The following COL19A1 variants were observed in gnomAD, a reference collection of about 807,000 sequenced individuals.
COL19A1 encodes the protein collagen alpha-1(XIX) chain.
In COL19A1, 159 loss-of-function variants were observed where a neutral mutation model predicts 190.2. That is an observed-to-expected ratio of 0.84 (90% CI 0.73 to 0.95). The LOEUF is 0.95. Ranked by LOEUF, COL19A1 falls within the 40% of genes least tolerant of loss-of-function variation. The probability of loss-of-function intolerance (pLI) is 0.00; values close to 1 mark genes in which losing one functional copy is unlikely to be tolerated. For synonymous variants in COL19A1, 509 were observed against 458.9 expected (o/e 1.11, Z -1.39); for missense variants, 1,418 against 1,431.9 (o/e 0.99, Z 0.16).
chr6:70,180,451 G>T lies in COL19A1; in HGVS notation c.2713-10G>T, dbSNP rs754398407. On this transcript the variant is annotated splice_polypyrimidine_tract_variant and intron_variant, in intron 43 of 50. Coordinates refer to ENST00000620364, the MANE Select transcript of COL19A1 (RefSeq NM_001858.6). Reference sequence around the variant, plus strand: ...TGGCAATTAATTTGTGTCTGTGGATGTGTTTATAGGGTGAGAGAGGACCTG... The same window carrying T: ...TGGCAATTAATTTGTGTCTGTGGATTTGTTTATAGGGTGAGAGAGGACCTG... 1.2e-6 allele frequency: 2 copies of T among 1,614,028 alleles called. No homozygotes were observed. Among genetic ancestry groups the T allele is most frequent in the African/African-American group, 2.7e-5 (2 of 74,918 alleles).
At chr6:70,034,129 A>G in intron 12 of COL19A1, 116 bp from the exon 13 acceptor site, 10 of 755,902 alleles carry the variant, frequency 1.3e-5, no homozygotes, top group Non-Finnish European at 2.1e-5. Context: ...TCTCTATACT[A>G]CAAAAGGAAG....
At chr6:70,151,606 G>A (rs1003299618) in intron 31 of COL19A1, among the ~76,000 whole-genome samples, 168 bp downstream of exon 31, 2 of 152,106 alleles carry the variant, frequency 1.3e-5, no homozygotes, top group African/African-American at 4.8e-5. Context: ...TATATCTTGT[G>A]CCATTTATCC....
At chr6:70,075,292 C>T (rs892060345) in intron 15 of COL19A1, among the ~76,000 whole-genome samples, 8 of 152,190 alleles carry the variant, frequency 5.3e-5, no homozygotes, top group African/African-American at 2.4e-5. Flanking sequence ...ATATGAAACT[C>T]GGTGGATAAA....
intron 44 of COL19A1, among the ~76,000 whole-genome samples, chr6:70,184,316 A>G (rs1466519794): frequency 6.6e-6 from 1 of 152,222 alleles, no homozygotes; most frequent in Non-Finnish European, 1.5e-5. Flanking sequence ...GCCATGAGGC[A>G]CCTTCTTATT....
chr6:69,904,674 C>T (rs1770424854), intron 4 of COL19A1, among the ~76,000 whole-genome samples: 1 of 152,204 alleles, frequency 6.6e-6, no homozygotes, highest in Admixed American at 6.5e-5. Flanking sequence ...GGAGCCCCCT[C>T]CTCCTCAGGA....
chr6:69,918,845 A>G (rs1295886718), intron 4 of COL19A1, among the ~76,000 whole-genome samples: 7 of 152,210 alleles, frequency 4.6e-5, no homozygotes, highest in Non-Finnish European at 1.0e-4. Flanking sequence ...GTGAATAGCC[A>G]TGTCTTTTAT....
chr6:70,136,879 C>T (rs1785905692), intron 18 of COL19A1, among the ~76,000 whole-genome samples: 1 of 151,860 alleles, frequency 6.6e-6, no homozygotes, highest in African/African-American at 2.4e-5. Flanking sequence ...CAAAAATGCT[C>T]TTGAAGTTAG....
chr6:70,186,686 T>G (rs756305380), intron 46 of COL19A1, among the ~76,000 whole-genome samples: 6 of 152,076 alleles, frequency 3.9e-5, no homozygotes, highest in Admixed American at 6.6e-5. Context: ...ATTTGAAAAT[T>G]TATGACTGAA....
At chr6:70,141,106 C>A in intron 20 of COL19A1, 117 bp downstream of exon 20, 1 of 882,534 alleles carries the variant, frequency 1.1e-6, no homozygotes, top group Non-Finnish European at 1.7e-6. Context: ...GGTCCATGAG[C>A]ATTTTACTTT....
intron 11 of COL19A1, among the ~76,000 whole-genome samples, chr6:69,976,950 A>G (rs1368722318): frequency 6.6e-6 from 1 of 152,138 alleles, no homozygotes; most frequent in Non-Finnish European, 1.5e-5. Flanking sequence ...TAGAAGACCC[A>G]TCTGAAGCCG....
chr6:70,034,186 T>C (rs1320103278), intron 12 of COL19A1, 59 bp from the exon 13 acceptor site: 3 of 1,157,260 alleles, frequency 2.6e-6, no homozygotes, highest in Non-Finnish European at 2.6e-6. Flanking sequence ...TTGTTACTAA[T>C]GACTTGTTAG....
intron 2 of COL19A1, chr6:69,891,198 G>C: frequency 7.5e-6 from 1 of 134,042 alleles, no homozygotes; most frequent in Non-Finnish European, 1.5e-5. Flanking sequence ...CAAACACCCA[G>C]CTAGCAAAAA....
At chr6:70,157,637 C>A (rs770535085) in intron 34 of COL19A1, among the ~76,000 whole-genome samples, 1 of 151,742 alleles carries the variant, frequency 6.6e-6, no homozygotes, top group Admixed American at 6.6e-5. Context: ...GATTTTTTCC[C>A]AAGTTAAAAA....
intron 8 of COL19A1, 49 bp downstream of exon 8, chr6:69,936,959 GCC>G: frequency 6.3e-7 from 1 of 1,595,358 alleles, no homozygotes; most frequent in Non-Finnish European, 8.6e-7. Context: ...CAGACTATGA[GCC>G]CAGCTCCTTG....
At chr6:70,004,324 C>A (rs969842841) in intron 11 of COL19A1, among the ~76,000 whole-genome samples, 1 of 152,076 alleles carries the variant, frequency 6.6e-6, no homozygotes, top group African/African-American at 2.4e-5. Context: ...TAATTTCAAC[C>A]TTGGAGAATC....
intron 2 of COL19A1, among the ~76,000 whole-genome samples, chr6:69,882,490 C>T (rs1006690392): frequency 6.6e-6 from 1 of 152,148 alleles, no homozygotes; most frequent in Non-Finnish European, 1.5e-5. Flanking sequence ...AAAACTCTTT[C>T]CTCTAATATA....
chr6:69,918,691 G>A (rs762650682), intron 4 of COL19A1, among the ~76,000 whole-genome samples: 2 of 152,112 alleles, frequency 1.3e-5, no homozygotes, highest in Non-Finnish European at 2.9e-5. Context: ...GGGTGACAGA[G>A]TGAGACCCTG....
At chr6:69,966,947 T>G (rs1421451353) in intron 11 of COL19A1, among the ~76,000 whole-genome samples, 1 of 152,214 alleles carries the variant, frequency 6.6e-6, no homozygotes, top group Non-Finnish European at 1.5e-5. Flanking sequence ...TGTAAACATC[T>G]GCCTCATTAT....
chr6:70,141,137 C>G, intron 20 of COL19A1, 148 bp downstream of exon 20: 2 of 691,790 alleles, frequency 2.9e-6, no homozygotes, highest in Non-Finnish European at 4.7e-6. Flanking sequence ...ATTTTTAACT[C>G]TTTTATTTTG....
Sources: gnomAD v4.1 joint callset for allele counts (sites outside exome capture counted in the v4.1 genomes callset) on GRCh38, gnomAD v4.1.1 for gene constraint, MANE v1.5 for transcripts, NCBI Gene and HGNC (gene_info 2026-07-23, HGNC 2026-07-21) for gene names.